GOLM2: variants seen among roughly 807,000 people sequenced by gnomAD.
GOLM2 encodes the protein golgi membrane protein 2, also known as protein GOLM2.
Under a neutral mutation model 55.9 loss-of-function variants are expected in GOLM2, and 26 were observed. That is an observed-to-expected ratio of 0.47 (90% CI 0.34 to 0.65). The LOEUF is 0.65. Ranked by LOEUF, GOLM2 falls within the 30% of genes least tolerant of loss-of-function variation. The probability of loss-of-function intolerance (pLI) is 0.01; values close to 1 mark genes in which losing one functional copy is unlikely to be tolerated. For synonymous variants in GOLM2, 165 were observed against 194.6 expected (o/e 0.85, Z 1.27); for missense variants, 486 against 531.8 (o/e 0.91, Z 0.85).
At chr15:44,412,265 G>A (rs959886919) in intron 9 of GOLM2, among the ~76,000 whole-genome samples, 9 of 152,162 alleles carry the variant, frequency 5.9e-5, no homozygotes, top group Non-Finnish European at 1.3e-4. Flanking sequence ...ATTGCTATTG[G>A]CAGGTAAATT....
At chr15:44,409,626 A>T (rs796327638) in intron 9 of GOLM2, 3 of 111,504 alleles carry the variant, frequency 2.7e-5, no homozygotes, top group African/African-American at 6.7e-5. Context: ...AAAAAAAAAA[A>T]TGCTGGGCGC....
chr15:44,409,050 G>A (rs1220368582), intron 9 of GOLM2, among the ~76,000 whole-genome samples: 1 of 152,192 alleles, frequency 6.6e-6, no homozygotes, highest in Admixed American at 6.5e-5. Context: ...GGCTGAGGCA[G>A]CTGGATCACG....
At chr15:44,330,145 C>T (rs1232805283) in intron 3 of GOLM2, among the ~76,000 whole-genome samples, 46 of 143,860 alleles carry the variant, frequency 3.2e-4, no homozygotes, top group African/African-American at 1.1e-3. Flanking sequence ...CTCCTGACCT[C>T]GTGATCCACC....
chr15:44,330,035 C>T (rs913731907), intron 3 of GOLM2, among the ~76,000 whole-genome samples: 11 of 150,214 alleles, frequency 7.3e-5, no homozygotes, highest in African/African-American at 2.4e-4. Flanking sequence ...CTCAGCCTCC[C>T]GAGTAGCTGG....
intron 6 of GOLM2, among the ~76,000 whole-genome samples, chr15:44,361,156 G>A (rs1220582323): frequency 3.3e-5 from 5 of 149,806 alleles, no homozygotes; most frequent in African/African-American, 7.4e-5. Flanking sequence ...AGAAAAGCAA[G>A]AGCAAACACA....
intron 1 of GOLM2, among the ~76,000 whole-genome samples, chr15:44,293,049 G>C (rs115065157): frequency 0.052 from 7,907 of 152,136 alleles, 328 homozygotes; most frequent in East Asian, 0.19. Flanking sequence ...TTCCTGGCCT[G>C]AAGTGATCCT....
intron 1 of GOLM2, among the ~76,000 whole-genome samples, chr15:44,320,632 C>T (rs538864562): frequency 6.6e-6 from 1 of 152,172 alleles, no homozygotes; most frequent in East Asian, 1.9e-4. Flanking sequence ...CTTCATTCTT[C>T]AAAGCACCCA....
intron 9 of GOLM2, among the ~76,000 whole-genome samples, chr15:44,410,785 C>G (rs1173004098): frequency 1.3e-5 from 2 of 150,178 alleles, no homozygotes; most frequent in Admixed American, 6.7e-5. Context: ...GCCTGTAGTC[C>G]TAGCTACTCA....
At chr15:44,393,772 A>G (rs1023472626) in intron 8 of GOLM2, among the ~76,000 whole-genome samples, 2 of 152,102 alleles carry the variant, frequency 1.3e-5, no homozygotes, top group South Asian at 2.1e-4. Context: ...GCTCACTGCA[A>G]TCTCCACCTC....
At position 44,381,021 on chromosome 15, in the gene GOLM2, A is replaced by G. The variant is rs750721766; in HGVS notation, c.1072+45A>G. ...TATTATGCTAAAAATATTTCTTTAAATGTAATATGAATTAAGGTCTTCATT... is the reference window on the plus strand; with the variant it reads ...TATTATGCTAAAAATATTTCTTTAAGTGTAATATGAATTAAGGTCTTCATT... On this transcript the variant is annotated intron_variant, in intron 8 of 9. Coordinates refer to ENST00000299957, the MANE Select transcript of GOLM2 (RefSeq NM_138423.4). The G allele has an allele frequency of 1.6e-5, 20 of 1,248,060 alleles. No individual in the cohort carries two copies. In the East Asian group the frequency reaches 4.6e-4, roughly 29 times the overall value. 77.3% of individuals were successfully genotyped at this position (1,248,060 alleles called of 1,614,324 possible). A position where few individuals can be genotyped will look rare whatever the true frequency, so the allele number is the denominator to read the frequency against.
chr15:44,362,664 A>C (rs1272780665), intron 6 of GOLM2, among the ~76,000 whole-genome samples: 3 of 152,202 alleles, frequency 2.0e-5, no homozygotes, highest in Admixed American at 6.5e-5. Flanking sequence ...ACTACCAATG[A>C]CTTTCTTCAC....
At chr15:44,384,619 C>A (rs1292277099) in intron 8 of GOLM2, among the ~76,000 whole-genome samples, 1 of 151,462 alleles carries the variant, frequency 6.6e-6, no homozygotes, top group Non-Finnish European at 1.5e-5. Flanking sequence ...TGGTGGCGGG[C>A]GCCTGTAGTC....
At chr15:44,370,103 G>A (rs961749948) in intron 6 of GOLM2, among the ~76,000 whole-genome samples, 11 of 152,210 alleles carry the variant, frequency 7.2e-5, no homozygotes, top group African/African-American at 2.2e-4. Flanking sequence ...TTTTATATTC[G>A]CTGGTAGTTG....
At chr15:44,368,272 G>T (rs2079299744) in intron 6 of GOLM2, among the ~76,000 whole-genome samples, 1 of 151,050 alleles carries the variant, frequency 6.6e-6, no homozygotes, top group Non-Finnish European at 1.5e-5. Flanking sequence ...CAAGTAGCTG[G>T]GATTACAGGC....
At chr15:44,338,156 A>G in intron 5 of GOLM2, 81 bp from the exon 6 acceptor site, 1 of 1,356,546 alleles carries the variant, frequency 7.4e-7, no homozygotes, top group South Asian at 1.2e-5. Flanking sequence ...ACTTTTAGAA[A>G]CTGATTGTTA....
At chr15:44,348,526 G>A (rs1299598124) in intron 6 of GOLM2, 4 of 152,176 alleles carry the variant, frequency 2.6e-5, no homozygotes, top group Non-Finnish European at 5.9e-5. Flanking sequence ...GTAGATTTCT[G>A]ACATTTCCAA....
chr15:44,346,954 C>T (rs1378899036), intron 6 of GOLM2, among the ~76,000 whole-genome samples: 1 of 151,458 alleles, frequency 6.6e-6, no homozygotes, highest in Non-Finnish European at 1.5e-5. Context: ...AACAAGACCT[C>T]ATATCTTAGG....
intron 9 of GOLM2, among the ~76,000 whole-genome samples, chr15:44,411,013 CTTTTTTTTTTTT>C (rs201998296): frequency 7.4e-5 from 6 of 81,338 alleles, no homozygotes; most frequent in East Asian, 3.6e-4. Context: ...GTTTGTTTGA[CTTTTTTTTTTTT>C]TTTTTTTTTT....
At chr15:44,323,575 A>G (rs2078964877) in intron 2 of GOLM2, among the ~76,000 whole-genome samples, 1 of 151,616 alleles carries the variant, frequency 6.6e-6, no homozygotes, top group South Asian at 2.1e-4. Flanking sequence ...GGAGAAAAAA[A>G]AAAAGCCCTG....
Sources: gnomAD v4.1 joint callset for allele counts (sites outside exome capture counted in the v4.1 genomes callset) on GRCh38, gnomAD v4.1.1 for gene constraint, MANE v1.5 for transcripts, NCBI Gene and HGNC (gene_info 2026-07-23, HGNC 2026-07-21) for gene names.